ME3: variants seen among roughly 807,000 people sequenced by gnomAD.
ME3 encodes the protein malic enzyme 3.
A neutral mutation model predicts 68.9 loss-of-function variants in ME3; 48 were observed. That is an observed-to-expected ratio of 0.70 (90% CI 0.55 to 0.89). ME3 has a LOEUF of 0.89. Ranked by LOEUF, ME3 falls within the 40% of genes least tolerant of loss-of-function variation. The pLI, the probability that ME3 is intolerant of heterozygous loss-of-function variation, is 0.00. For missense variants in ME3, 675 were observed against 797.4 expected (o/e 0.85, Z 1.85); for synonymous variants, 320 against 318.8 (o/e 1.00, Z -0.04).
intron 2 of ME3, among the ~76,000 whole-genome samples, chr11:86,595,306 T>TATATATATATAG (rs371436753): frequency 6.3e-5 from 5 of 79,792 alleles, no homozygotes; most frequent in African/African-American, 2.0e-4. Context: ...TATATATATA[T>TATATATATATAG]AGAGAGAGAG....
At chr11:86,520,086 C>T (rs371253447) in intron 4 of ME3, among the ~76,000 whole-genome samples, 10 of 152,288 alleles carry the variant, frequency 6.6e-5, no homozygotes, top group Admixed American at 1.3e-4. Context: ...CTATCCTGTT[C>T]GCCTCTGAGG....
intron 2 of ME3, among the ~76,000 whole-genome samples, chr11:86,617,066 T>G (rs1434049087): frequency 2.1e-5 from 3 of 140,890 alleles, no homozygotes; most frequent in African/African-American, 5.2e-5. Flanking sequence ...TTTTTTTTTT[T>G]TTTTTTTTTT....
chr11:86,530,265 A>G (rs184460003), intron 4 of ME3, among the ~76,000 whole-genome samples: 1 of 152,204 alleles, frequency 6.6e-6, no homozygotes, highest in Non-Finnish European at 1.5e-5. Flanking sequence ...CAAAGAGAAT[A>G]AAATACCTAG....
In ME3 at chr11:86,475,874, T is replaced by TATATATATATATAG; in HGVS notation, c.810-10675_810-10674insCTATATATATATAT. 8.4e-4 allele frequency among the ~76,000 whole-genome samples: 77 copies of TATATATATATATAG among 91,456 alleles called. 1 individual carries two copies. Among genetic ancestry groups the TATATATATATATAG allele is most frequent in the Admixed American group, 1.6e-3 (14 of 8,716 alleles). The allele number at this position is 91,456 out of a possible 152,430, so 60.0% of individuals were successfully genotyped here. A position where few individuals can be genotyped will look rare whatever the true frequency, so the allele number is the denominator to read the frequency against. Reference sequence around the variant, plus strand: ...CAGTATATATATATATATATATATATAGAGAGAGAGAGAGAGAGAGAGAGA... The same window carrying TATATATATATATAG: ...CAGTATATATATATATATATATATATATATATATATATAGAGAGAGAGAGAGAGAGAGAGAGAGA... On this transcript the variant is annotated intron_variant, in intron 7 of 14. Transcript: ENST00000543262.
chr11:86,537,990 T>C (rs1314574942), intron 4 of ME3, among the ~76,000 whole-genome samples: 4 of 152,194 alleles, frequency 2.6e-5, no homozygotes, highest in East Asian at 1.9e-4. Context: ...TTGCTGAGGC[T>C]CTTTAACATG....
At chr11:86,652,840 C>A (rs1445904305) in intron 2 of ME3, among the ~76,000 whole-genome samples, 1 of 151,634 alleles carries the variant, frequency 6.6e-6, no homozygotes, top group Non-Finnish European at 1.5e-5. Context: ...GTGCTGTATT[C>A]AGGAAACCCA....
At chr11:86,571,174 C>G (rs1957769301) in intron 2 of ME3, among the ~76,000 whole-genome samples, 1 of 152,234 alleles carries the variant, frequency 6.6e-6, no homozygotes. Flanking sequence ...AGGTCAGGGA[C>G]TCTGTCTCAA....
chr11:86,602,831 G>C (rs372934246), intron 2 of ME3, among the ~76,000 whole-genome samples: 119 of 152,178 alleles, frequency 7.8e-4, no homozygotes, highest in South Asian at 5.8e-3. Flanking sequence ...ACAAACCTGA[G>C]AAAAACAAGC....
rs182929367 is a variant in ME3 at position 86,528,588 on chromosome 11, T to C, written c.468-19721A>G. On this transcript the variant is annotated intron_variant, in intron 4 of 14. Transcript: ENST00000543262. ...GCACCGTGCCACACCTACTCCAAAA[T>C]TGACCACATAGTTGGAAGTAAAGCA... Among the ~76,000 whole-genome samples, 90 of 152,190 alleles carry C rather than the reference T, an allele frequency of 5.9e-4. 1 individual carries two copies. Among genetic ancestry groups the C allele is most frequent in the African/African-American group, 2.1e-3 (86 of 41,502 alleles).
chr11:86,479,321 T>A (rs1431904906), intron 7 of ME3, among the ~76,000 whole-genome samples: 2 of 152,198 alleles, frequency 1.3e-5, no homozygotes, highest in African/African-American at 4.8e-5. Flanking sequence ...GCAGACACCA[T>A]ATCATGGGAT....
intron 4 of ME3, among the ~76,000 whole-genome samples, chr11:86,542,550 T>C (rs1049503716): frequency 6.6e-6 from 1 of 152,166 alleles, no homozygotes; most frequent in African/African-American, 2.4e-5. Flanking sequence ...GGTAGAAGGG[T>C]ATCAAAGATG....
intron 8 of ME3, among the ~76,000 whole-genome samples, chr11:86,458,423 A>T (rs1049387735): frequency 6.6e-6 from 1 of 152,130 alleles, no homozygotes; most frequent in Non-Finnish European, 1.5e-5. Flanking sequence ...AATGGAGAAG[A>T]TAGGGTTAGG....
chr11:86,605,942 G>A (rs1166897204), intron 2 of ME3, among the ~76,000 whole-genome samples: 8 of 152,126 alleles, frequency 5.3e-5, no homozygotes, highest in South Asian at 2.1e-4. Flanking sequence ...CAAGTCCCAT[G>A]GGCCTCCCAC....
At position 86,630,550 on chromosome 11, in the gene ME3, C is replaced by G. The variant is rs74826916; in HGVS notation, c.183+41212G>C. The stretch of plus-strand genomic sequence containing the variant: ...ACACGCAAGCTTCCAAGCCCAAAAG[C>G]AACATTATAATTTTAGGTAAAAACC... On this transcript the variant is annotated intron_variant, in intron 2 of 14. Coordinates refer to ENST00000543262, the Ensembl canonical transcript of ME3. Among the ~76,000 whole-genome samples the G allele has an allele frequency of 7.8e-3, 1,189 of 152,312 alleles. 16 individuals are homozygous for G. The highest frequency in any genetic ancestry group is 0.028 in the African/African-American group (1,143 of 41,562).
intron 2 of ME3, among the ~76,000 whole-genome samples, chr11:86,582,753 T>C (rs921549231): frequency 6.6e-6 from 1 of 151,798 alleles, no homozygotes; most frequent in Non-Finnish European, 1.5e-5. Flanking sequence ...TGTAGTGAGA[T>C]CTCTTTCCCC....
chr11:86,613,855 G>C (rs1004401642), intron 2 of ME3, among the ~76,000 whole-genome samples: 1 of 152,086 alleles, frequency 6.6e-6, no homozygotes, highest in South Asian at 2.1e-4. Flanking sequence ...CATCCTCATG[G>C]GTAGGAAGAA....
At chr11:86,489,092 A>T (rs1410636113) in intron 6 of ME3, 1 of 152,178 alleles carries the variant, frequency 6.6e-6, no homozygotes, top group Non-Finnish European at 1.5e-5. Context: ...GTTTCCTGGA[A>T]TTATCTACTT....
chr11:86,577,462 G>A (rs188310677), intron 2 of ME3, among the ~76,000 whole-genome samples: 45 of 152,298 alleles, frequency 3.0e-4, no homozygotes, highest in African/African-American at 1.1e-3. Flanking sequence ...TTCAACAAAT[G>A]TCGGGGGCCT....
intron 2 of ME3, among the ~76,000 whole-genome samples, chr11:86,604,311 G>A (rs1460708551): frequency 1.3e-5 from 2 of 151,976 alleles, no homozygotes; most frequent in Non-Finnish European, 2.9e-5. Flanking sequence ...TTCCTGTCGG[G>A]TCATGAACCA....
Sources: gnomAD v4.1 joint callset for allele counts (sites outside exome capture counted in the v4.1 genomes callset) on GRCh38, gnomAD v4.1.1 for gene constraint, MANE v1.5 for transcripts, NCBI Gene and HGNC (gene_info 2026-07-23, HGNC 2026-07-21) for gene names.